The following TMEM176A variants were observed in gnomAD, a reference collection of about 807,000 sequenced individuals.
TMEM176A encodes hepatocellular carcinoma-associated antigen 112.
A neutral mutation model predicts 27.9 loss-of-function variants in TMEM176A; 20 were observed. The observed-to-expected ratio is 0.72, with a 90% CI of 0.50 to 1.04. TMEM176A has a LOEUF of 1.04. Ranked by LOEUF, TMEM176A falls within the 50% of genes least tolerant of loss-of-function variation. TMEM176A has a pLI of 0.00. For synonymous variants in TMEM176A, 125 were observed against 118.0 expected (o/e 1.06, Z -0.38); for missense variants, 252 against 289.1 (o/e 0.87, Z 0.93).
Position 150,802,215 on chromosome 7 carries a change from G to T in TMEM176A, c.175G>T (p.Val59Leu). Residue 59 changes from valine (V) to leucine (L), a missense_variant and splice_region_variant, in exon 3 of 7, where the codon GTG becomes TTG. Transcript: ENST00000004103. The stretch of plus-strand genomic sequence containing the variant: ...GGATCTTGGGTCCTTTGTCTTTCAG[G>T]TGATGCAGATCGTGCTGGGGATCTT... ...GSSRLLVASW[V>L]MQIVLGILSA... 6.2e-7 allele frequency: 1 copy of T among 1,613,964 alleles called. No homozygotes were observed. Among genetic ancestry groups the T allele is most frequent in the East Asian group, 2.2e-5 (1 of 44,882 alleles).
rs771931837 is a variant in TMEM176A at position 150,804,478 on chromosome 7, T to G, written c.666+6T>G. The G allele has an allele frequency of 5.0e-6, 8 of 1,607,094 alleles. No homozygotes were observed. The highest frequency in any genetic ancestry group is 6.8e-6 in the Non-Finnish European group (8 of 1,173,868). ...GAATGTTCCCAACCAAAGGGGTGAG[T>G]CCCTAAGGTGTGTGCCTGTGTATTT... is the stretch of plus-strand genomic sequence containing the variant. On this transcript the variant is annotated splice_donor_region_variant and intron_variant, in intron 6 of 6. Transcript: ENST00000004103.
intron 3 of TMEM176A, chr7:150,802,741 A>G (rs1798842028): frequency 9.9e-7 from 1 of 1,011,796 alleles, no homozygotes. Context: ...AAACCCAGGA[A>G]TTGTTGTCAA....
intron 5 of TMEM176A, 141 bp from the exon 6 acceptor site, chr7:150,804,221 G>T: frequency 1.5e-6 from 1 of 657,186 alleles, no homozygotes; most frequent in Non-Finnish European, 2.7e-6. Context: ...TCTGTACATT[G>T]AATGCATTGA....
intron 4 of TMEM176A, 60 bp from the exon 5 acceptor site, chr7:150,803,560 C>CGA: frequency 6.3e-7 from 1 of 1,594,802 alleles, no homozygotes; most frequent in Admixed American, 1.7e-5. Context: ...TTTTTTCCCC[C>CGA]GACTGGACTC....
rs779369472 is a variant in TMEM176A, at chr7:150,803,450, A to G, written c.336A>G (p.Thr112=). 1 of 1,596,602 alleles carries G rather than the reference A, an allele frequency of 6.3e-7. No homozygotes were observed. The highest frequency in any genetic ancestry group is 1.1e-5 in the South Asian group (1 of 87,230). ...TCATTTACGAGAAACGGGGTGGTAC[A>G]TACTGGGTAAGTTCAGGGAAGGGCA... ...AAFIYEKRGG[T]YWALLRTLLT... Residue 112 remains threonine (T), a synonymous_variant, in exon 4 of 7, where the codon ACA becomes ACG. Transcript: ENST00000004103.
chr7:150,803,109 T>C, intron 3 of TMEM176A: 1 of 1,106,992 alleles, frequency 9.0e-7, no homozygotes, highest in Non-Finnish European at 1.1e-6. Context: ...TCCCTAGAAC[T>C]TTCATAAAGC....
In TMEM176A at chr7:150,803,732, G is replaced by T; in HGVS notation, c.455G>T (p.Arg152Leu). The T allele has an allele frequency of 1.9e-6, 3 of 1,614,154 alleles. No homozygotes were observed. The highest frequency in any genetic ancestry group is 1.7e-6 in the Non-Finnish European group (2 of 1,180,036). ...YGYSYYNSAC[R>L]ISSSSDWNTP... The stretch of plus-strand genomic sequence containing the variant: ...TACTCTTATTACAACAGTGCCTGCC[G>T]CATCTCCAGCTCGAGTGACTGGAAC... Residue 152 changes from arginine (R) to leucine (L), a missense_variant, in exon 5 of 7, where the codon CGC becomes CTC. Physicochemically the swap from Arg to Leu is moderately radical, Grantham distance 102. Coordinates refer to ENST00000004103, the MANE Select transcript of TMEM176A (RefSeq NM_018487.3).
rs76937000 is a variant in TMEM176A, at chr7:150,803,744, C to T, written c.467C>T (p.Ser156Leu). Residue 156 changes from serine (S) to leucine (L), a missense_variant, in exon 5 of 7, where the codon TCG becomes TTG. By Grantham distance (145) the Ser-to-Leu change is moderately radical (BLOSUM62 -2). Coordinates refer to ENST00000004103, the MANE Select transcript of TMEM176A (RefSeq NM_018487.3). ...AACAGTGCCTGCCGCATCTCCAGCT[C>T]GAGTGACTGGAACACTCCAGCCCCC... ...YYNSACRISS[S>L]SDWNTPAPTQ... 4.0e-3 allele frequency: 6,483 copies of T among 1,614,140 alleles called. 217 individuals are homozygous for T. The African/African-American group carries it at 0.072, about 18-fold the overall frequency.
chr7:150,804,283 A>G, intron 5 of TMEM176A, 79 bp from the exon 6 acceptor site: 2 of 1,176,146 alleles, frequency 1.7e-6, no homozygotes, highest in Admixed American at 1.8e-5. Context: ...AGATTTTCCC[A>G]GGTCAATAAG....
rs756579989 is a variant in TMEM176A, at chr7:150,802,298, G to T, written c.258G>T (p.Ser86=). The T allele has an allele frequency of 6.2e-7, 1 of 1,614,032 alleles. No individual in the cohort carries two copies. Among genetic ancestry groups the T allele is most frequent in the African/African-American group, 1.3e-5 (1 of 75,000 alleles). The change falls in exon 3 of 7, where the codon TCG becomes TCT. Residue 86 remains serine, a synonymous_variant. Coordinates refer to ENST00000004103, the MANE Select transcript of TMEM176A (RefSeq NM_018487.3). ...YIRDYTLLVT[S]GAAIWTGAVA... is the part of the protein sequence containing the mutation. ...GCGACTACACCCTCCTCGTCACCTCGGGAGCTGCCATCTGGACAGGGGCTG... is the reference window on the plus strand; with the variant it reads ...GCGACTACACCCTCCTCGTCACCTCTGGAGCTGCCATCTGGACAGGGGCTG...
chr7:150,802,950 A>G, intron 3 of TMEM176A: 3 of 989,322 alleles, frequency 3.0e-6, no homozygotes, highest in Non-Finnish European at 3.6e-6. Flanking sequence ...GGGACATACT[A>G]GATTTCCTGT....
At position 150,801,629 on chromosome 7, in the gene TMEM176A, T is replaced by C; in HGVS notation, c.79T>C (p.Ser27Pro). The stretch of plus-strand genomic sequence containing the variant: ...CATCGATGTGCACATCCACCAGGAG[T>C]CTGCCCTGGCCAAGCTCCTGCTCAC... ...THIDVHIHQESALAKLLLTCC... is the reference protein window; with the variant it reads ...THIDVHIHQEPALAKLLLTCC... The change falls in exon 2 of 7, where the codon TCT becomes CCT. Residue 27 changes from serine (S) to proline (P), a missense_variant. Coordinates refer to ENST00000004103, the MANE Select transcript of TMEM176A (RefSeq NM_018487.3). 2 of 1,613,050 alleles carry C rather than the reference T, an allele frequency of 1.2e-6. No homozygotes were observed. The highest frequency in any genetic ancestry group is 2.2e-5 in the East Asian group (1 of 44,812).
Position 150,801,558 on chromosome 7 carries a change from C to A in TMEM176A, c.8C>A (p.Thr3Lys). The stretch of plus-strand genomic sequence containing the variant: ...TAGACTGTGTCCCTGACAATGGGAA[C>A]AGCCGACAGTGATGAGATGGCCCCG... MGTADSDEMAPEA... is the reference protein window; with the variant it reads MGKADSDEMAPEA... The change falls in exon 2 of 7, where the codon ACA (threonine) becomes AAA (lysine). Residue 3 changes from threonine to lysine, a missense_variant. Thr to Lys is a moderately conservative substitution (Grantham distance 78). Transcript: ENST00000004103. The A allele has an allele frequency of 1.9e-6, 3 of 1,596,976 alleles. No homozygotes were observed. Among genetic ancestry groups the A allele is most frequent in the Non-Finnish European group, 2.6e-6 (3 of 1,174,686 alleles).
chr7:150,802,375 T>G (rs777376321), intron 3 of TMEM176A, 50 bp downstream of exon 3: 1 of 1,507,702 alleles, frequency 6.6e-7, no homozygotes, highest in East Asian at 2.3e-5. Context: ...GGTGGGGCAT[T>G]GCTCTCCTGA....
At chr7:150,803,581 T>G (rs1798862268) in intron 4 of TMEM176A, 39 bp from the exon 5 acceptor site, 1 of 1,609,806 alleles carries the variant, frequency 6.2e-7, no homozygotes, top group Non-Finnish European at 8.5e-7. Context: ...TGAGAGAGAC[T>G]GAAACACAAA....
rs777063138 is a variant in TMEM176A at position 150,804,869 on chromosome 7, C to T, written c.*1C>T. 1.2e-6 allele frequency: 2 copies of T among 1,614,134 alleles called. No individual in the cohort carries two copies. Among genetic ancestry groups the T allele is most frequent in the Non-Finnish European group, 1.7e-6 (2 of 1,179,978 alleles). On this transcript the variant is annotated 3_prime_UTR_variant, in exon 7 of 7. Coordinates refer to ENST00000004103, the MANE Select transcript of TMEM176A (RefSeq NM_018487.3). The stretch of plus-strand genomic sequence containing the variant: ...AATGTTGGAAGTGAGTGGAATCTAG[C>T]CATGCCTCTCCTGATTATTAGTGCC...
Position 150,801,716 on chromosome 7 carries a change from G to A in TMEM176A, c.166G>A (p.Ala56Thr), listed in dbSNP as rs1006273896. 6.5e-7 allele frequency: 1 copy of A among 1,536,832 alleles called. No homozygotes were observed. The highest frequency in any genetic ancestry group is 1.4e-5 in the African/African-American group (1 of 71,722). The part of the protein sequence containing the change: ...QARGSSRLLV[A>T]SWVMQIVLGI... ...CAGGGGCAGCAGCCGGCTGCTGGTG[G>A]CCTCGTGGGTGAGTGTGACGGCCTG... Residue 56 changes from alanine (A) to threonine (T), a missense_variant, in exon 2 of 7, where the codon GCC (alanine) becomes ACC (threonine). Ala to Thr is a moderately conservative substitution (Grantham distance 58). Transcript: ENST00000004103.
At chr7:150,803,297 C>T (rs1451516871) in intron 3 of TMEM176A, 103 bp from the exon 4 acceptor site, 11 of 1,452,062 alleles carry the variant, frequency 7.6e-6, no homozygotes, top group Middle Eastern at 1.8e-4. Context: ...TGAAACCTCC[C>T]GCCCAAGCTG....
rs1798893354 is a variant in TMEM176A at position 150,805,024 on chromosome 7, C to T, written c.*156C>T. The stretch of plus-strand genomic sequence containing the variant: ...TGGCCACAGCCCTGCTCCAGCAGCA[C>T]TTGCCCATTCCTTACACCCCTTCCC... On this transcript the variant is annotated 3_prime_UTR_variant, in exon 7 of 7. Coordinates refer to ENST00000004103, the MANE Select transcript of TMEM176A (RefSeq NM_018487.3). 1 of 733,036 alleles carries T rather than the reference C, an allele frequency of 1.4e-6. No homozygotes were observed. The highest frequency in any genetic ancestry group is 2.4e-6 in the Non-Finnish European group (1 of 420,246). 45.4% of individuals were successfully genotyped at this position (733,036 alleles called of 1,614,324 possible). A position where few individuals can be genotyped will look rare whatever the true frequency, so the allele number is the denominator to read the frequency against.
Sources: gnomAD v4.1 joint callset for allele counts on GRCh38, gnomAD v4.1.1 for gene constraint, MANE v1.5 for transcripts, NCBI Gene and HGNC (gene_info 2026-07-23, HGNC 2026-07-21) for gene names.